Variants in BICRAL observed in about 807,000 individuals in gnomAD.
BICRAL encodes BICRA like chromatin remodeling complex associated protein, also known as BRD4-interacting chromatin-remodeling complex-associated protein-like.
In BICRAL, 8 loss-of-function variants were observed where a neutral mutation model predicts 91.8. The observed-to-expected ratio is 0.09, with a 90% confidence interval of 0.05 to 0.16. The LOEUF is 0.16. Ranked by LOEUF, BICRAL falls within the 10% of genes least tolerant of loss-of-function variation. The probability of loss-of-function intolerance (pLI) is 1.00; values close to 1 mark genes in which losing one functional copy is unlikely to be tolerated. For synonymous variants in BICRAL, 445 were observed against 491.1 expected, an observed-to-expected ratio of 0.91 and a Z score of 1.24; for missense variants, 1,038 against 1,310.9, an observed-to-expected ratio of 0.79 and a Z score of 3.21.
At chr6:42,785,996 A>G (rs1212769798) in intron 1 of BICRAL, among the ~76,000 whole-genome samples, 1 of 152,172 alleles carries the variant, frequency 6.6e-6, no homozygotes, top group Non-Finnish European at 1.5e-5. Flanking sequence ...CGGAGGTTGT[A>G]GTGAGCTGAG....
intron 1 of BICRAL, among the ~76,000 whole-genome samples, 158 bp downstream of exon 1, chr6:42,782,259 A>G (rs1762933093): frequency 6.7e-6 from 1 of 148,884 alleles, no homozygotes; most frequent in African/African-American, 2.5e-5. Context: ...GAAAGGAGCA[A>G]ATTAAACACC....
intron 1 of BICRAL, among the ~76,000 whole-genome samples, chr6:42,797,044 CAAA>C (rs1192829085): frequency 4.5e-5 from 2 of 44,284 alleles, no homozygotes; most frequent in Non-Finnish European, 4.9e-5. Flanking sequence ...AACTCTGTCT[CAAA>C]AAAAAAAAAA....
intron 1 of BICRAL, among the ~76,000 whole-genome samples, chr6:42,792,518 C>T (rs895009412): frequency 6.6e-5 from 10 of 151,908 alleles, no homozygotes; most frequent in Admixed American, 2.6e-4. Context: ...AGCAGTCCTC[C>T]TGCCTCAGCC....
chr6:42,781,936 G>A (rs1582811868), upstream of BICRAL: 1 of 108,510 alleles, frequency 9.2e-6, no homozygotes, highest in South Asian at 2.6e-4. Flanking sequence ...GCCCCGGCCC[G>A]GCGCGGGGGT....
chr6:42,750,614 C>T (rs536713020), intron 1 of BICRAL, among the ~76,000 whole-genome samples: 19 of 152,258 alleles, frequency 1.2e-4, no homozygotes, highest in Admixed American at 3.9e-4. Context: ...CTTGCTCTGT[C>T]GCCCAGGCTG....
intron 1 of BICRAL, among the ~76,000 whole-genome samples, chr6:42,810,003 TCTCGAA>T (rs1277126572): frequency 6.6e-6 from 1 of 152,064 alleles, no homozygotes; most frequent in Non-Finnish European, 1.5e-5. Context: ...GCCAGACTTG[TCTCGAA>T]CTCCTGACCT....
At chr6:42,858,700 C>T (rs1272953906) in intron 10 of BICRAL, among the ~76,000 whole-genome samples, 1 of 151,888 alleles carries the variant, frequency 6.6e-6, no homozygotes, top group Non-Finnish European at 1.5e-5. Context: ...GCCTGTAATT[C>T]CAGCTACTCG....
intron 6 of BICRAL, among the ~76,000 whole-genome samples, chr6:42,838,044 C>T (rs1764691508): frequency 6.6e-6 from 1 of 152,192 alleles, no homozygotes; most frequent in African/African-American, 2.4e-5. Context: ...TGTATGTACA[C>T]ACACACATTT....
chr6:42,860,333 T>A lies in BICRAL; in HGVS notation c.2326T>A (p.Cys776Ser), dbSNP rs762157345. ...RTQAMLNKYRCLLLEDAMRIN... is the reference protein window; with the variant it reads ...RTQAMLNKYRSLLLEDAMRIN... ...CCAAGCTATGCTTAACAAATACAGA[T>A]GCCTGCTCCTAGAAGATGCCATGGT... is the stretch of plus-strand genomic sequence containing the variant. Residue 776 changes from cysteine (C) to serine (S), a missense_variant, in exon 11 of 13, where the codon TGC (cysteine) becomes AGC (serine). By Grantham distance (112) the Cys-to-Ser change is moderately radical. Around this residue, in one of 5 missense-constraint regions of BICRAL, gnomAD observed 294 missense variants for 292.6 expected, o/e 1.00. Transcript: ENST00000314073. 3 of 1,606,904 alleles carry A rather than the reference T, an allele frequency of 1.9e-6. No homozygotes were observed. In the South Asian group the frequency reaches 3.3e-5, roughly 18 times the overall value.
chr6:42,806,632 C>T (rs1435383400), intron 1 of BICRAL, among the ~76,000 whole-genome samples: 2 of 151,874 alleles, frequency 1.3e-5, no homozygotes, highest in Non-Finnish European at 2.9e-5. Flanking sequence ...CCCGCCTTAG[C>T]CTCCCATGTA....
chr6:42,748,104 CTTTTTTTT>C (rs35511368), intron 1 of BICRAL, among the ~76,000 whole-genome samples: 1 of 124,570 alleles, frequency 8.0e-6, no homozygotes, highest in Non-Finnish European at 1.7e-5. Flanking sequence ...GTGCCTGGCC[CTTTTTTTT>C]TTTTTTTTTT....
At chr6:42,857,838 C>T (rs1462249869) in intron 10 of BICRAL, among the ~76,000 whole-genome samples, 4 of 108,270 alleles carry the variant, frequency 3.7e-5, no homozygotes, top group Non-Finnish European at 6.7e-5. Flanking sequence ...GAGATGGAGT[C>T]TCGCTCTGTC....
At chr6:42,832,323 G>A (rs1253240419) in intron 6 of BICRAL, among the ~76,000 whole-genome samples, 4 of 149,792 alleles carry the variant, frequency 2.7e-5, no homozygotes, top group African/African-American at 9.8e-5. Flanking sequence ...ACTCCTGCCT[G>A]GGCAACAGAC....
At chr6:42,775,036 G>A (rs1347683722) in intron 1 of BICRAL, among the ~76,000 whole-genome samples, 1 of 151,904 alleles carries the variant, frequency 6.6e-6, no homozygotes, top group South Asian at 2.1e-4. Flanking sequence ...AGGTTCAAGC[G>A]ATTCTCCTGT....
intron 1 of BICRAL, among the ~76,000 whole-genome samples, chr6:42,761,747 T>G (rs1762552927): frequency 6.6e-6 from 1 of 151,296 alleles, no homozygotes; most frequent in Non-Finnish European, 1.5e-5. Context: ...GCCATCTCTA[T>G]AAAAAATACC....
At position 42,816,963 on chromosome 6, in the gene BICRAL, G is replaced by A. The variant is rs567248767; in HGVS notation, c.-5-5055G>A. Among the ~76,000 whole-genome samples, 243 of 148,568 alleles carry A rather than the reference G, an allele frequency of 1.6e-3. 1 individual carries two copies. The highest frequency in any genetic ancestry group is 5.6e-3 in the African/African-American group (225 of 40,136). ...TGGGAGGCTGAGCTTGCAGTGAGCCGAGATTGCACCACTGCACTCCAGCCT... is the reference window on the plus strand; with the variant it reads ...TGGGAGGCTGAGCTTGCAGTGAGCCAAGATTGCACCACTGCACTCCAGCCT... On this transcript the variant is annotated intron_variant, in intron 2 of 12. Coordinates refer to ENST00000314073, the MANE Select transcript of BICRAL (RefSeq NM_001393499.1).
chr6:42,801,095 A>C (rs1763554481), intron 1 of BICRAL, among the ~76,000 whole-genome samples: 1 of 151,948 alleles, frequency 6.6e-6, no homozygotes, highest in Non-Finnish European at 1.5e-5. Context: ...TCTACTAAAA[A>C]TACAAAATTA....
intron 1 of BICRAL, among the ~76,000 whole-genome samples, chr6:42,767,225 G>A (rs1032384234): frequency 1.3e-5 from 2 of 152,032 alleles, no homozygotes; most frequent in African/African-American, 4.8e-5. Context: ...AGGAAAAACT[G>A]TGTTGTATGT....
At chr6:42,780,007 C>T (rs1762863973), upstream of BICRAL, among the ~76,000 whole-genome samples, 1 of 152,070 alleles carries the variant, frequency 6.6e-6, no homozygotes, top group Admixed American at 6.6e-5. Flanking sequence ...CTCAAGCAGT[C>T]GTCCTGCCTC....
Sources: allele counts gnomAD v4.1 joint callset (sites outside exome capture counted in the v4.1 genomes callset), GRCh38; gene constraint gnomAD v4.1.1; regional missense constraint gnomAD v4.1.1; transcripts MANE v1.5; gene names NCBI Gene and HGNC (gene_info 2026-07-23, HGNC 2026-07-21).